ASCC3: variants seen among roughly 807,000 people sequenced by gnomAD.
ASCC3 encodes the protein ASC-1 complex subunit P200.
Under a neutral mutation model 256.3 loss-of-function variants are expected in ASCC3, and 158 were observed. The ratio of observed to expected loss-of-function variants is 0.62; its 90% CI spans 0.54 to 0.70. The LOEUF (loss-of-function observed/expected upper bound fraction) is 0.70, where lower values mean the gene tolerates loss of function less well. Ranked by LOEUF, ASCC3 falls within the 30% of genes least tolerant of loss-of-function variation. The pLI, the probability that ASCC3 is intolerant of heterozygous loss-of-function variation, is 0.00. For missense variants in ASCC3, 2,259 were observed against 2,626.0 expected, an observed-to-expected ratio of 0.86 and a Z score of 3.05; for synonymous variants, 948 against 883.4, an observed-to-expected ratio of 1.07 and a Z score of -1.30.
At chr6:100,852,690 A>G (rs1772742156) in intron 3 of ASCC3, among the ~76,000 whole-genome samples, 1 of 152,148 alleles carries the variant, frequency 6.6e-6, no homozygotes, top group African/African-American at 2.4e-5. Context: ...CAACTGACGA[A>G]AAGTTTATAT....
intron 36 of ASCC3, among the ~76,000 whole-genome samples, chr6:100,585,183 T>C (rs375890507): frequency 1.2e-3 from 188 of 152,338 alleles, no homozygotes; most frequent in South Asian, 0.011. Context: ...GTTTTCCAAA[T>C]TGGTTCCATT....
intron 13 of ASCC3, among the ~76,000 whole-genome samples, chr6:100,680,283 C>T (rs541190086): frequency 1.3e-4 from 20 of 152,258 alleles, no homozygotes; most frequent in African/African-American, 4.8e-4. Flanking sequence ...TGGAATTATT[C>T]ATGAAGTGAC....
rs73760709 is a variant in ASCC3 at position 100,704,150 on chromosome 6, A to T, written c.2151+11312T>A. Among the ~76,000 whole-genome samples the T allele has an allele frequency of 4.3e-3, 649 of 152,028 alleles. 8 individuals carry two copies. The highest frequency in any genetic ancestry group is 0.015 in the African/African-American group (636 of 41,544). On this transcript the variant is annotated intron_variant, in intron 13 of 41. Coordinates refer to ENST00000369162, the MANE Select transcript of ASCC3 (RefSeq NM_006828.4). ...TTTAAAAGTAGACGTTTAGAAAATG[A>T]TTCCTTTAGATTTTCTTGTACTTAA... is the stretch of plus-strand genomic sequence containing the variant.
At chr6:100,607,981 A>G (rs1363652962) in intron 30 of ASCC3, among the ~76,000 whole-genome samples, 1 of 143,534 alleles carries the variant, frequency 7.0e-6, no homozygotes, top group Admixed American at 7.2e-5. Flanking sequence ...TTTATATATT[A>G]ACGATATTAA....
At chr6:100,650,906 C>T (rs1474841416) in intron 19 of ASCC3, among the ~76,000 whole-genome samples, 192 bp from the exon 20 acceptor site, 1 of 151,760 alleles carries the variant, frequency 6.6e-6, no homozygotes, top group East Asian at 1.9e-4. Flanking sequence ...GATCTTGAGG[C>T]TGATACAATT....
intron 6 of ASCC3, 24 bp downstream of exon 6, chr6:100,800,276 T>C: frequency 6.2e-7 from 1 of 1,610,298 alleles, no homozygotes; most frequent in Non-Finnish European, 8.5e-7. Flanking sequence ...ACACAAGCAT[T>C]TTTCAGCTCC....
At chr6:100,593,872 G>A (rs950923466) in intron 34 of ASCC3, among the ~76,000 whole-genome samples, 1 of 151,848 alleles carries the variant, frequency 6.6e-6, no homozygotes, top group African/African-American at 2.4e-5. Context: ...AACTCAATTT[G>A]GAATATATTA....
chr6:100,563,026 G>A (rs954935803), intron 36 of ASCC3, among the ~76,000 whole-genome samples: 1 of 151,614 alleles, frequency 6.6e-6, no homozygotes, highest in African/African-American at 2.4e-5. Context: ...TGTTAAAGAT[G>A]AATTTCTTCT....
intron 16 of ASCC3, 25 bp from the exon 17 acceptor site, chr6:100,655,843 AT>A (rs1316843129): frequency 6.2e-7 from 1 of 1,607,822 alleles, no homozygotes; most frequent in African/African-American, 1.3e-5. Flanking sequence ...GATGACAGAA[AT>A]TAATGTATTA....
At chr6:100,727,040 C>A (rs974935333) in intron 10 of ASCC3, among the ~76,000 whole-genome samples, 23 of 152,040 alleles carry the variant, frequency 1.5e-4, no homozygotes, top group Admixed American at 1.2e-3. Flanking sequence ...GGACCTAAGA[C>A]TTGCCAGAAC....
intron 30 of ASCC3, among the ~76,000 whole-genome samples, chr6:100,607,628 T>C (rs1399163356): frequency 6.6e-6 from 1 of 152,002 alleles, no homozygotes; most frequent in Non-Finnish European, 1.5e-5. Context: ...ATAACAGTAA[T>C]CTTATATATG....
intron 11 of ASCC3, among the ~76,000 whole-genome samples, chr6:100,722,409 T>C (rs1209548551): frequency 2.0e-5 from 3 of 151,730 alleles, no homozygotes; most frequent in Non-Finnish European, 4.4e-5. Flanking sequence ...AATATACCCA[T>C]GTAACAAACT....
intron 13 of ASCC3, among the ~76,000 whole-genome samples, chr6:100,681,515 T>C (rs1777300960): frequency 6.6e-6 from 1 of 151,412 alleles, no homozygotes; most frequent in Admixed American, 6.6e-5. Context: ...GATCACAAGG[T>C]CAAGAGATTG....
At chr6:100,795,217 C>T (rs1190853694) in intron 8 of ASCC3, among the ~76,000 whole-genome samples, 1 of 151,640 alleles carries the variant, frequency 6.6e-6, no homozygotes, top group South Asian at 2.1e-4. Flanking sequence ...CCCATTGCTT[C>T]TGGGATTATA....
chr6:100,811,167 G>A (rs1034076698), intron 4 of ASCC3, among the ~76,000 whole-genome samples: 8 of 152,088 alleles, frequency 5.3e-5, no homozygotes, highest in African/African-American at 1.9e-4. Flanking sequence ...AGGCCCATTT[G>A]TCCAACTCCA....
chr6:100,757,929 A>C (rs1469512368), intron 10 of ASCC3, among the ~76,000 whole-genome samples: 1 of 152,170 alleles, frequency 6.6e-6, no homozygotes, highest in Non-Finnish European at 1.5e-5. Context: ...ACCAAAGAGA[A>C]ACAGAATCTT....
intron 29 of ASCC3, among the ~76,000 whole-genome samples, chr6:100,626,139 G>A (rs1373304732): frequency 6.6e-6 from 1 of 151,372 alleles, no homozygotes; most frequent in Non-Finnish European, 1.5e-5. Flanking sequence ...CTTGAAATGA[G>A]GTTTTTTGTT....
At chr6:100,829,593 C>T (rs1050140834) in intron 4 of ASCC3, among the ~76,000 whole-genome samples, 9 of 152,154 alleles carry the variant, frequency 5.9e-5, no homozygotes, top group African/African-American at 1.9e-4. Context: ...TCCCCGCAAG[C>T]TGAGGGAGCC....
At chr6:100,872,697 C>T (rs148356324) in intron 1 of ASCC3, among the ~76,000 whole-genome samples, 25 of 152,270 alleles carry the variant, frequency 1.6e-4, no homozygotes, top group East Asian at 3.9e-4. Flanking sequence ...GACCCACAGA[C>T]GGTTCACATC....
Sources: allele counts gnomAD v4.1 joint callset (sites outside exome capture counted in the v4.1 genomes callset), GRCh38; gene constraint gnomAD v4.1.1; transcripts MANE v1.5; gene names NCBI Gene and HGNC (gene_info 2026-07-23, HGNC 2026-07-21).